Variants in DYNC2I1 observed in about 807,000 individuals in gnomAD.
DYNC2I1 encodes cytoplasmic dynein 2 intermediate chain 1.
DYNC2I1 carries 89 observed loss-of-function variants against 133.4 expected under a neutral mutation model. That is an observed-to-expected ratio of 0.67 (90% CI 0.56 to 0.80). The LOEUF (loss-of-function observed/expected upper bound fraction) is 0.80. Ranked by LOEUF, DYNC2I1 falls within the 30% of genes least tolerant of loss-of-function variation. The probability of loss-of-function intolerance (pLI) is 0.00; values close to 1 mark genes in which losing one functional copy is unlikely to be tolerated. For synonymous variants in DYNC2I1, 504 were observed against 484.3 expected, an observed-to-expected ratio of 1.04 and a Z score of -0.54; for missense variants, 1,291 against 1,314.5, an observed-to-expected ratio of 0.98 and a Z score of 0.28.
downstream of DYNC2I1, among the ~76,000 whole-genome samples, chr7:158,949,050 C>T (rs1318969662): frequency 2.6e-5 from 4 of 152,168 alleles, no homozygotes; most frequent in African/African-American, 4.8e-5. Flanking sequence ...GCAGCCTCTG[C>T]GCCCTGAGGT....
At chr7:158,857,937 G>C (rs550997469) in intron 1 of DYNC2I1, among the ~76,000 whole-genome samples, 3 of 151,962 alleles carry the variant, frequency 2.0e-5, no homozygotes, top group South Asian at 2.1e-4. Flanking sequence ...ATTACAGGCA[G>C]GTGCCACTAT....
In DYNC2I1 at chr7:158,902,412, G is replaced by C. The variant is rs1463786353; in HGVS notation, c.1174G>C (p.Asp392His). The change falls in exon 10 of 25, where the codon GAT (aspartate) becomes CAT (histidine). Residue 392 changes from aspartate to histidine, a missense_variant. By Grantham distance (81) the Asp-to-His change is moderately conservative. Transcript: ENST00000407559. Reference sequence around the variant, plus strand: ...TGACTTTGAGGTTTGTGATGGTGATGATGATGAAAGCAGTAATGAACCTGA... The same window carrying C: ...TGACTTTGAGGTTTGTGATGGTGATCATGATGAAAGCAGTAATGAACCTGA... ...EDDFEVCDGD[D>H]DESSNEPESR... 6.2e-7 allele frequency: 1 copy of C among 1,613,638 alleles called. No homozygotes were observed. The highest frequency in any genetic ancestry group is 1.7e-5 in the Admixed American group (1 of 60,014).
intron 5 of DYNC2I1, 74 bp from the exon 6 acceptor site, chr7:158,884,490 G>T: frequency 7.1e-7 from 1 of 1,400,468 alleles, no homozygotes. Context: ...CTTGTTTTGT[G>T]GGGTTTACTA....
rs550394923 is a variant in DYNC2I1, at chr7:158,873,357, A to G, written c.490+1795A>G. Reference sequence around the variant, plus strand: ...AGGCCTGGCTGTGAAAAGGATGGAAACGAAGGGCCTTTACTCATTGCCACC... The same window carrying G: ...AGGCCTGGCTGTGAAAAGGATGGAAGCGAAGGGCCTTTACTCATTGCCACC... On this transcript the variant is annotated intron_variant, in intron 3 of 24. Coordinates refer to ENST00000407559, the MANE Select transcript of DYNC2I1 (RefSeq NM_018051.5). Among the ~76,000 whole-genome samples, 5 of 152,346 alleles carry G rather than the reference A, an allele frequency of 3.3e-5. No homozygotes were observed. In the South Asian group the frequency reaches 1.0e-3, roughly 32 times the overall value.
intron 20 of DYNC2I1, among the ~76,000 whole-genome samples, chr7:158,928,072 G>A (rs188444457): frequency 1.1e-4 from 16 of 152,306 alleles, no homozygotes; most frequent in African/African-American, 3.4e-4. Context: ...TGCCCCGAGG[G>A]CCCTTAGACT....
intron 1 of DYNC2I1, among the ~76,000 whole-genome samples, chr7:158,863,859 G>C (rs1388007586): frequency 5.8e-5 from 8 of 137,020 alleles, no homozygotes; most frequent in South Asian, 5.2e-4. Context: ...GGTGTTGGAG[G>C]GTGTTGGAGG....
downstream of DYNC2I1, among the ~76,000 whole-genome samples, chr7:158,947,681 C>G (rs144413520): frequency 1.3e-3 from 196 of 152,328 alleles, 1 homozygote; most frequent in African/African-American, 4.4e-3. Context: ...CAGTTACGTC[C>G]TCCTGACGTG....
intron 6 of DYNC2I1, among the ~76,000 whole-genome samples, chr7:158,885,896 A>G (rs1844551357): frequency 1.3e-5 from 2 of 152,074 alleles, no homozygotes. Context: ...ATATGAATGA[A>G]AGTTTAAAAA....
intron 7 of DYNC2I1, among the ~76,000 whole-genome samples, chr7:158,889,772 G>A (rs988632053): frequency 2.0e-5 from 3 of 152,004 alleles, no homozygotes; most frequent in Non-Finnish European, 4.4e-5. Context: ...GGGAGGCCGA[G>A]GCAGGGGGAT....
chr7:158,938,094 G>C (rs1850947852), intron 23 of DYNC2I1, among the ~76,000 whole-genome samples: 1 of 152,160 alleles, frequency 6.6e-6, no homozygotes, highest in Non-Finnish European at 1.5e-5. Context: ...TTCATAAGGA[G>C]ATCAATATCC....
chr7:158,950,081 T>G (rs1449945419), downstream of DYNC2I1, among the ~76,000 whole-genome samples: 1 of 150,630 alleles, frequency 6.6e-6, no homozygotes, highest in East Asian at 2.0e-4. Context: ...AAGTCGAGCG[T>G]TTTTAAAATT....
intron 23 of DYNC2I1, among the ~76,000 whole-genome samples, chr7:158,940,073 A>G (rs533042225): frequency 6.6e-6 from 1 of 152,322 alleles, no homozygotes; most frequent in South Asian, 2.1e-4. Context: ...ACTCTCAGTA[A>G]TGGACAGATT....
intron 4 of DYNC2I1, among the ~76,000 whole-genome samples, chr7:158,879,329 G>A (rs928350409): frequency 6.6e-6 from 1 of 152,024 alleles, no homozygotes; most frequent in African/African-American, 2.4e-5. Context: ...TGGTATCCAT[G>A]GGAGAAGGGC....
chr7:158,947,178 A>T (rs1851912714), downstream of DYNC2I1, among the ~76,000 whole-genome samples: 1 of 152,194 alleles, frequency 6.6e-6, no homozygotes, highest in Admixed American at 6.5e-5. Flanking sequence ...ACTCAGGGTC[A>T]CAGTCACGTG....
the DYNC2I1 span, among the ~76,000 whole-genome samples, chr7:158,849,462 A>G: frequency 6.6e-6 from 1 of 152,158 alleles, no homozygotes; most frequent in East Asian, 1.9e-4. Context: ...TTTGCTCAAG[A>G]TCTTTTCCTG....
intron 23 of DYNC2I1, among the ~76,000 whole-genome samples, chr7:158,937,622 G>GAAAAAAAAAAAA (rs71189438): frequency 2.2e-4 from 24 of 109,462 alleles, no homozygotes; most frequent in Non-Finnish European, 3.3e-4. Flanking sequence ...ACTGTCTCAA[G>GAAAAAAAAAAAA]AAAAAAAAAA....
At chr7:158,850,225 C>T in the DYNC2I1 span, among the ~76,000 whole-genome samples, 2 of 152,150 alleles carry the variant, frequency 1.3e-5, no homozygotes, top group East Asian at 1.9e-4. Context: ...AGCTCCCGCC[C>T]CACCAACTAG....
intron 8 of DYNC2I1, among the ~76,000 whole-genome samples, chr7:158,900,658 C>A (rs368846526): frequency 1.3e-5 from 2 of 150,274 alleles, no homozygotes; most frequent in Non-Finnish European, 2.9e-5. Context: ...TCCTTTCTCT[C>A]TTCTTCTGCC....
At position 158,941,978 on chromosome 7, in the gene DYNC2I1, G is replaced by A. The variant is rs377386379; in HGVS notation, c.2832G>A (p.Pro944=). Reference sequence around the variant, plus strand: ...TGCACCAGCTGAGCTCCGCGTTTCCGCTCCTGCAGTGGGACAGCAGCACGG... The same window carrying A: ...TGCACCAGCTGAGCTCCGCGTTTCCACTCCTGCAGTGGGACAGCAGCACGG... The part of the protein sequence containing the change: ...IRLHQLSSAF[P]LLQWDSSTDS... The change falls in exon 24 of 25, where the codon CCG becomes CCA. Residue 944 remains proline, a synonymous_variant. Transcript: ENST00000407559. 8 of 1,612,786 alleles carry A rather than the reference G, an allele frequency of 5.0e-6. No individual in the cohort carries two copies. The highest frequency in any genetic ancestry group is 1.1e-5 in the South Asian group (1 of 90,984).
Sources: allele counts gnomAD v4.1 joint callset (sites outside exome capture counted in the v4.1 genomes callset), GRCh38; gene constraint gnomAD v4.1.1; transcripts MANE v1.5; gene names NCBI Gene and HGNC (gene_info 2026-07-23, HGNC 2026-07-21).